The following GPHN variants were observed in gnomAD, a reference collection of about 807,000 sequenced individuals.
GPHN encodes gephyrin.
In GPHN, 17 loss-of-function variants were observed where a neutral mutation model predicts 95.5. That is an observed-to-expected ratio of 0.18 (90% CI 0.12 to 0.27). The LOEUF (loss-of-function observed/expected upper bound fraction) is 0.27, where lower values mean the gene tolerates loss of function less well. Among genes scored for constraint, GPHN ranks in the 10% least tolerant of loss-of-function variants. GPHN has a pLI of 1.00. For synonymous variants in GPHN, 320 were observed against 322.5 expected (o/e 0.99, Z 0.08); for missense variants, 660 against 978.1 (o/e 0.67, Z 4.34).
intron 12 of GPHN, among the ~76,000 whole-genome samples, chr14:67,093,193 T>C (rs1567320069): frequency 6.6e-6 from 1 of 152,122 alleles, no homozygotes; most frequent in Non-Finnish European, 1.5e-5. Flanking sequence ...TTTAAAAATT[T>C]TTTTTTCTTG....
chr14:66,997,332 A>G (rs964260626), intron 9 of GPHN, among the ~76,000 whole-genome samples: 20 of 148,058 alleles, frequency 1.4e-4, no homozygotes, highest in Admixed American at 2.8e-4. Flanking sequence ...GTGCAATTGC[A>G]CTCTAGCCTG....
intron 2 of GPHN, among the ~76,000 whole-genome samples, chr14:66,749,087 A>G (rs2058271207): frequency 6.6e-6 from 1 of 151,956 alleles, no homozygotes; most frequent in Admixed American, 6.6e-5. Flanking sequence ...CCAAAATGTC[A>G]TATAGTTGGA....
At chr14:66,732,388 A>G (rs987038605) in intron 2 of GPHN, among the ~76,000 whole-genome samples, 1 of 152,234 alleles carries the variant, frequency 6.6e-6, no homozygotes, top group African/African-American at 2.4e-5. Flanking sequence ...AAGCTTTCAA[A>G]TTGAGTGACT....
chr14:67,291,062 G>A, the GPHN span, among the ~76,000 whole-genome samples: 5 of 152,094 alleles, frequency 3.3e-5, no homozygotes, highest in African/African-American at 9.7e-5. Flanking sequence ...AATCACACAG[G>A]AAAAGCAGGG....
At chr14:66,586,342 G>A (rs1469304874) in intron 1 of GPHN, among the ~76,000 whole-genome samples, 4 of 152,070 alleles carry the variant, frequency 2.6e-5, no homozygotes, top group Non-Finnish European at 4.4e-5. Context: ...TCTGTATCCA[G>A]TTTACCAGTC....
chr14:66,510,514 T>C (rs2139672470), intron 1 of GPHN, among the ~76,000 whole-genome samples: 1 of 152,348 alleles, frequency 6.6e-6, no homozygotes, highest in African/African-American at 2.4e-5. Context: ...ATGGATAACA[T>C]TGATACGCAA....
chr14:67,680,133 C>G, the GPHN span, among the ~76,000 whole-genome samples: 3 of 152,182 alleles, frequency 2.0e-5, no homozygotes, highest in African/African-American at 7.2e-5. Context: ...CTATTTTCAA[C>G]TAGTTTTCCA....
chr14:67,279,348 C>T, the GPHN span: 2,941 of 1,613,214 alleles, frequency 1.8e-3, 37 homozygotes, highest in African/African-American at 0.031. Flanking sequence ...GGAGCGTATT[C>T]GGCAACAACA....
the GPHN span, among the ~76,000 whole-genome samples, chr14:67,704,240 G>C: frequency 1.3e-5 from 2 of 152,184 alleles, no homozygotes; most frequent in African/African-American, 2.4e-5. Flanking sequence ...TTCTGATTAC[G>C]GGGGTAGAAG....
intron 11 of GPHN, among the ~76,000 whole-genome samples, chr14:67,087,352 G>A (rs1362010871): frequency 6.6e-6 from 1 of 152,178 alleles, no homozygotes; most frequent in Non-Finnish European, 1.5e-5. Context: ...ACCATCCCAT[G>A]AGGTTTACTG....
chr14:67,535,142 G>A, the GPHN span, among the ~76,000 whole-genome samples: 3 of 152,172 alleles, frequency 2.0e-5, no homozygotes, highest in Admixed American at 6.5e-5. Flanking sequence ...GTGGGTGTGT[G>A]AATGCCACAT....
the GPHN span, among the ~76,000 whole-genome samples, chr14:67,261,630 TAG>T: frequency 1.3e-5 from 2 of 152,124 alleles, no homozygotes; most frequent in African/African-American, 4.8e-5. Flanking sequence ...CAATGCAGAA[TAG>T]AGAATAAAAT....
At chr14:67,202,498 G>C in the GPHN span, among the ~76,000 whole-genome samples, 1 of 152,132 alleles carries the variant, frequency 6.6e-6, no homozygotes, top group South Asian at 2.1e-4. Flanking sequence ...TCTAAAATAA[G>C]GGCAATAAAT....
the GPHN span, among the ~76,000 whole-genome samples, chr14:67,226,641 G>A: frequency 1.2e-4 from 18 of 144,186 alleles, no homozygotes; most frequent in Non-Finnish European, 2.4e-4. Flanking sequence ...GATTACAGGC[G>A]TGAGCCACTG....
intron 11 of GPHN, among the ~76,000 whole-genome samples, chr14:67,062,436 A>AT (rs1476339950): frequency 5.9e-5 from 9 of 152,248 alleles, no homozygotes; most frequent in Non-Finnish European, 8.8e-5. Flanking sequence ...TGTAAGGAAA[A>AT]TCTAGGACCA....
the GPHN span, among the ~76,000 whole-genome samples, chr14:67,245,848 AG>A: frequency 6.6e-6 from 1 of 151,212 alleles, no homozygotes; most frequent in African/African-American, 2.5e-5. Context: ...ATCCACGGTC[AG>A]AGAGATTTTT....
the GPHN span, among the ~76,000 whole-genome samples, chr14:67,657,446 T>C: frequency 6.6e-6 from 1 of 152,100 alleles, no homozygotes; most frequent in African/African-American, 2.4e-5. Flanking sequence ...CTGCCCTAAT[T>C]TTCTAAATCC....
chr14:66,750,252 G>A (rs902908523), intron 2 of GPHN, among the ~76,000 whole-genome samples: 1 of 151,786 alleles, frequency 6.6e-6, no homozygotes, highest in Admixed American at 6.6e-5. Flanking sequence ...ATTAATTTTT[G>A]TGAAGGCTGT....
At chr14:67,559,059 CGTT>C in the GPHN span, among the ~76,000 whole-genome samples, 2 of 152,210 alleles carry the variant, frequency 1.3e-5, no homozygotes, top group African/African-American at 4.8e-5. Flanking sequence ...GAGAGTCTGA[CGTT>C]GTCTGATGCT....
Sources: gnomAD v4.1 joint callset for allele counts (sites outside exome capture counted in the v4.1 genomes callset) on GRCh38, gnomAD v4.1.1 for gene constraint, MANE v1.5 for transcripts, NCBI Gene and HGNC (gene_info 2026-07-23, HGNC 2026-07-21) for gene names.